The following FAM13A variants were observed in gnomAD, a reference collection of about 807,000 sequenced individuals.
FAM13A encodes the protein family with sequence similarity 13 member A.
FAM13A carries 76 observed loss-of-function variants against 129.6 expected under a neutral mutation model. The observed-to-expected ratio is 0.59, with a 90% CI of 0.49 to 0.71. The LOEUF is 0.71. Ranked by LOEUF, FAM13A falls within the 30% of genes least tolerant of loss-of-function variation. The pLI is 0.00. For missense variants in FAM13A, 1,108 were observed against 1,249.3 expected (o/e 0.89, Z 1.70); for synonymous variants, 443 against 449.9 (o/e 0.98, Z 0.20).
chr4:89,051,512 T>A (rs750093519), intron 1 of FAM13A, among the ~76,000 whole-genome samples: 3 of 152,202 alleles, frequency 2.0e-5, no homozygotes, highest in African/African-American at 4.8e-5. Context: ...CCTTTTCGCA[T>A]GCAAAATACA....
intron 7 of FAM13A, among the ~76,000 whole-genome samples, chr4:88,816,678 G>A (rs769080875): frequency 9.9e-5 from 15 of 152,162 alleles, no homozygotes; most frequent in Non-Finnish European, 1.9e-4. Flanking sequence ...TCTAATGGGG[G>A]AAAACTCCAC....
chr4:88,962,213 T>C (rs1484627066), intron 4 of FAM13A, among the ~76,000 whole-genome samples: 1 of 152,108 alleles, frequency 6.6e-6, no homozygotes, highest in African/African-American at 2.4e-5. Context: ...TGAGTCTCCT[T>C]TTAATAGATT....
intron 20 of FAM13A, 190 bp from the exon 21 acceptor site, chr4:88,737,745 G>A (rs758316146): frequency 9.8e-5 from 59 of 600,394 alleles, no homozygotes; most frequent in Non-Finnish European, 1.6e-4. Context: ...TCCCTTCAGC[G>A]CCCACACACA....
chr4:89,033,533 T>C (rs1165874006), intron 1 of FAM13A, among the ~76,000 whole-genome samples: 6 of 152,192 alleles, frequency 3.9e-5, no homozygotes, highest in Non-Finnish European at 8.8e-5. Flanking sequence ...ACACATGCTG[T>C]AAAGATAAGT....
intron 3 of FAM13A, among the ~76,000 whole-genome samples, chr4:89,015,121 C>A (rs1183103136): frequency 6.6e-6 from 1 of 152,186 alleles, no homozygotes; most frequent in East Asian, 1.9e-4. Context: ...CGCTCCCAGG[C>A]CTATTAGGAC....
At chr4:88,890,890 A>G (rs941120460) in intron 6 of FAM13A, among the ~76,000 whole-genome samples, 3 of 152,190 alleles carry the variant, frequency 2.0e-5, no homozygotes, top group Admixed American at 1.3e-4. Context: ...TAATTGCTTA[A>G]AATAGACAAT....
chr4:88,961,347 C>CT (rs773764813), intron 4 of FAM13A, among the ~76,000 whole-genome samples: 1,046 of 55,408 alleles, frequency 0.019, 321 homozygotes, highest in Middle Eastern at 0.047. Flanking sequence ...TGGAATTTGC[C>CT]TTTTTTTTTT....
intron 6 of FAM13A, among the ~76,000 whole-genome samples, chr4:88,881,040 G>T (rs1743481636): frequency 6.6e-6 from 1 of 152,142 alleles, no homozygotes; most frequent in South Asian, 2.1e-4. Flanking sequence ...TTCTCCACCA[G>T]CCCTGGTAGC....
intron 4 of FAM13A, among the ~76,000 whole-genome samples, chr4:88,957,643 TG>T (rs1434463235): frequency 6.6e-6 from 1 of 152,188 alleles, no homozygotes; most frequent in Non-Finnish European, 1.5e-5. Context: ...TGGAAGAGTT[TG>T]GAGGACACAG....
At chr4:88,976,985 T>C (rs1279622163) in intron 4 of FAM13A, among the ~76,000 whole-genome samples, 2 of 152,148 alleles carry the variant, frequency 1.3e-5, no homozygotes, top group East Asian at 3.9e-4. Flanking sequence ...CCATCTACAT[T>C]TGTGTAAGCA....
At chr4:88,921,071 C>T (rs1309016756) in intron 5 of FAM13A, among the ~76,000 whole-genome samples, 1 of 152,166 alleles carries the variant, frequency 6.6e-6, no homozygotes, top group Non-Finnish European at 1.5e-5. Context: ...AAATCTACGT[C>T]TGATTGGTGT....
At chr4:89,046,971 T>C (rs1770938123) in intron 1 of FAM13A, among the ~76,000 whole-genome samples, 1 of 151,556 alleles carries the variant, frequency 6.6e-6, no homozygotes, top group Non-Finnish European at 1.5e-5. Flanking sequence ...GAAGTATAGG[T>C]GGGATCTAAA....
At chr4:88,923,304 T>C (rs1751453285) in intron 5 of FAM13A, among the ~76,000 whole-genome samples, 1 of 152,192 alleles carries the variant, frequency 6.6e-6, no homozygotes, top group Non-Finnish European at 1.5e-5. Context: ...AAATCCTCAA[T>C]AAAATACTGG....
chr4:88,888,644 G>A (rs1744824105), intron 6 of FAM13A, among the ~76,000 whole-genome samples: 1 of 152,000 alleles, frequency 6.6e-6, no homozygotes, highest in Non-Finnish European at 1.5e-5. Context: ...CAATCCTTGA[G>A]GCCAGGCACG....
rs141360972 is a variant in FAM13A, at chr4:88,832,745, G to C, written c.1007+18275C>G. Reference sequence around the variant, plus strand: ...TCAAGAAACAACAGAGGCTGGCAAGGTTAAGGAGAAAAAGGAACACTTTTA... The same window carrying C: ...TCAAGAAACAACAGAGGCTGGCAAGCTTAAGGAGAAAAAGGAACACTTTTA... On this transcript the variant is annotated intron_variant, in intron 7 of 23. Transcript: ENST00000264344. Among the ~76,000 whole-genome samples the C allele has an allele frequency of 1.5e-3, 232 of 152,254 alleles. 1 individual carries two copies. Among genetic ancestry groups the C allele is most frequent in the Middle Eastern group, 3.4e-3 (1 of 294 alleles).
intron 4 of FAM13A, among the ~76,000 whole-genome samples, chr4:88,987,498 A>G (rs957807965): frequency 1.3e-5 from 2 of 152,156 alleles, no homozygotes; most frequent in Non-Finnish European, 2.9e-5. Flanking sequence ...TTAACATTAC[A>G]TGGCTTCTAA....
intron 4 of FAM13A, among the ~76,000 whole-genome samples, chr4:88,962,834 A>G (rs1220616102): frequency 2.0e-5 from 3 of 152,214 alleles, no homozygotes; most frequent in African/African-American, 7.2e-5. Context: ...ATTCCAAAAC[A>G]TAAGGGAATA....
chr4:88,925,471 T>C (rs1427867090), intron 5 of FAM13A, among the ~76,000 whole-genome samples: 1 of 147,820 alleles, frequency 6.8e-6, no homozygotes, highest in Non-Finnish European at 1.5e-5. Context: ...AACCAAACAC[T>C]GCGTGTTCTC....
At chr4:88,984,404 A>T (rs1159905768) in intron 4 of FAM13A, among the ~76,000 whole-genome samples, 2 of 152,180 alleles carry the variant, frequency 1.3e-5, no homozygotes, top group African/African-American at 4.8e-5. Flanking sequence ...CTGATAAGGA[A>T]TTTATATGCA....
Sources: allele counts gnomAD v4.1 joint callset (sites outside exome capture counted in the v4.1 genomes callset), GRCh38; gene constraint gnomAD v4.1.1; transcripts MANE v1.5; gene names NCBI Gene and HGNC (gene_info 2026-07-23, HGNC 2026-07-21).